LINGO2: variants seen among roughly 807,000 people sequenced by gnomAD.
The protein encoded by LINGO2 is leucine-rich repeat and immunoglobulin-like domain-containing nogo receptor-interacting protein 2.
Under a neutral mutation model 30.6 loss-of-function variants are expected in LINGO2, and 14 were observed. The observed-to-expected ratio is 0.46, with a 90% CI of 0.30 to 0.72. LINGO2 has a LOEUF of 0.72. Among genes scored for constraint, LINGO2 ranks in the 30% least tolerant of loss-of-function variants. LINGO2 has a pLI of 0.07. For missense variants in LINGO2, 729 were observed against 751.7 expected (o/e 0.97, Z 0.35); for synonymous variants, 317 against 288.5 (o/e 1.10, Z -1.00).
At chr9:28,780,940 T>C in the LINGO2 span, among the ~76,000 whole-genome samples, 1 of 151,706 alleles carries the variant, frequency 6.6e-6, no homozygotes, top group South Asian at 2.1e-4. Flanking sequence ...TTATTTGAAA[T>C]TTTGGAGAGA....
chr9:27,974,818 T>C (rs1820520648), intron 5 of LINGO2, among the ~76,000 whole-genome samples: 1 of 151,782 alleles, frequency 6.6e-6, no homozygotes, highest in African/African-American at 2.4e-5. Flanking sequence ...AAAGAAAGGG[T>C]CGACAGGGCA....
the LINGO2 span, among the ~76,000 whole-genome samples, chr9:28,982,580 A>T: frequency 1.3e-5 from 2 of 152,014 alleles, no homozygotes; most frequent in African/African-American, 4.8e-5. Context: ...TTTCAGTGAT[A>T]GAATGTAATG....
At chr9:28,336,310 T>C (rs949609095) in intron 3 of LINGO2, among the ~76,000 whole-genome samples, 2 of 152,162 alleles carry the variant, frequency 1.3e-5, no homozygotes, top group African/African-American at 4.8e-5. Context: ...TTATATATTA[T>C]TAATACAAGT....
chr9:29,140,506 A>C, the LINGO2 span, among the ~76,000 whole-genome samples: 1 of 152,074 alleles, frequency 6.6e-6, no homozygotes, highest in Non-Finnish European at 1.5e-5. Flanking sequence ...AAAAGAAATA[A>C]AAAATGAAGA....
At chr9:29,153,416 G>T in the LINGO2 span, among the ~76,000 whole-genome samples, 1 of 151,994 alleles carries the variant, frequency 6.6e-6, no homozygotes, top group South Asian at 2.1e-4. Context: ...CTCATACATT[G>T]CTAGAACCGT....
the LINGO2 span, chr9:28,889,023 T>C: frequency 2.2e-6 from 1 of 458,382 alleles, no homozygotes; most frequent in Non-Finnish European, 4.7e-6. Context: ...TTCAAGTGAA[T>C]ACAGTAATCT....
At chr9:28,588,976 C>A (rs918130947) in intron 1 of LINGO2, among the ~76,000 whole-genome samples, 5 of 151,804 alleles carry the variant, frequency 3.3e-5, no homozygotes, top group Admixed American at 1.3e-4. Context: ...TGAGTCTTAA[C>A]TATGCAAGGC....
At chr9:29,001,392 G>A in the LINGO2 span, among the ~76,000 whole-genome samples, 1 of 151,814 alleles carries the variant, frequency 6.6e-6, no homozygotes, top group Non-Finnish European at 1.5e-5. Flanking sequence ...ATATTTTTAA[G>A]CATATGCTAC....
intron 5 of LINGO2, among the ~76,000 whole-genome samples, chr9:27,982,900 A>G (rs780379668): frequency 2.0e-5 from 3 of 151,788 alleles, no homozygotes; most frequent in African/African-American, 4.8e-5. Flanking sequence ...AGTGCTTTAC[A>G]TACACTTACG....
chr9:29,163,140 A>C, the LINGO2 span, among the ~76,000 whole-genome samples: 1 of 152,210 alleles, frequency 6.6e-6, no homozygotes, highest in African/African-American at 2.4e-5. Context: ...TCAAAACTAC[A>C]TCTTAACACT....
the LINGO2 span, among the ~76,000 whole-genome samples, chr9:28,913,542 A>G: frequency 1.3e-5 from 2 of 152,130 alleles, no homozygotes; most frequent in Admixed American, 6.5e-5. Flanking sequence ...GTGAATGTGT[A>G]CTTAAAATCT....
chr9:28,681,451 A>AG, the LINGO2 span, among the ~76,000 whole-genome samples: 1 of 152,074 alleles, frequency 6.6e-6, no homozygotes, highest in Non-Finnish European at 1.5e-5. Flanking sequence ...TTTCTTATCA[A>AG]GCTGCTCCTA....
the LINGO2 span, among the ~76,000 whole-genome samples, chr9:28,675,864 C>G: frequency 7.7e-5 from 11 of 142,178 alleles, no homozygotes; most frequent in Admixed American, 7.9e-4. Flanking sequence ...GAGCAAGACT[C>G]CATTTCAAAA....
the LINGO2 span, among the ~76,000 whole-genome samples, chr9:28,786,876 C>A: frequency 6.6e-6 from 1 of 152,066 alleles, no homozygotes; most frequent in East Asian, 1.9e-4. Context: ...AGGAACAATG[C>A]TCAGAAAAAG....
chr9:28,253,677 C>T (rs929267259), intron 4 of LINGO2, among the ~76,000 whole-genome samples: 1 of 152,142 alleles, frequency 6.6e-6, no homozygotes, highest in Admixed American at 6.6e-5. Context: ...GAAACAGGCT[C>T]ACCTGGGGCA....
At chr9:28,513,221 CCAAT>C (rs1046049179) in intron 1 of LINGO2, among the ~76,000 whole-genome samples, 4 of 152,118 alleles carry the variant, frequency 2.6e-5, no homozygotes, top group Middle Eastern at 3.4e-3. Flanking sequence ...ACCTTTTATA[CCAAT>C]CAATCAATCA....
At chr9:28,982,880 C>T in the LINGO2 span, among the ~76,000 whole-genome samples, 19 of 151,820 alleles carry the variant, frequency 1.3e-4, no homozygotes, top group African/African-American at 4.6e-4. Context: ...CTATTAAAAC[C>T]TTTTGAAATA....
the LINGO2 span, among the ~76,000 whole-genome samples, chr9:28,744,542 T>A: frequency 6.6e-6 from 1 of 151,922 alleles, no homozygotes; most frequent in Non-Finnish European, 1.5e-5. Context: ...CTTGGCAGAA[T>A]TAATTCTTCA....
At chr9:29,207,519 TA>T in the LINGO2 span, among the ~76,000 whole-genome samples, 1 of 152,154 alleles carries the variant, frequency 6.6e-6, no homozygotes, top group Admixed American at 6.5e-5. Context: ...GGGAATCTTA[TA>T]TTTTTGCACA....
Sources: allele counts gnomAD v4.1 joint callset (sites outside exome capture counted in the v4.1 genomes callset), GRCh38; gene constraint gnomAD v4.1.1; transcripts MANE v1.5; gene names NCBI Gene and HGNC (gene_info 2026-07-23, HGNC 2026-07-21).